Variants in ENTREP2 observed in about 807,000 individuals in gnomAD.
ENTREP2 encodes the protein endosomal transmembrane epsin interactor 2.
chr15:29,143,150 C>A, the ENTREP2 span, among the ~76,000 whole-genome samples: 2 of 152,164 alleles, frequency 1.3e-5, no homozygotes, highest in Admixed American at 1.3e-4. Flanking sequence ...TCTTGCTATT[C>A]CTAGATTCCC....
the ENTREP2 span, chr15:29,195,383 G>A: frequency 1.1e-6 from 1 of 950,024 alleles, no homozygotes; most frequent in Non-Finnish European, 1.3e-6. Context: ...CCTCTCCCCA[G>A]ATCCGAGGTG....
the ENTREP2 span, chr15:29,136,268 G>C: frequency 1.5e-6 from 2 of 1,313,148 alleles, no homozygotes; most frequent in Non-Finnish European, 2.0e-6. Flanking sequence ...CAGCCAGCTC[G>C]GACCTGGCGC....
chr15:29,228,977 T>A, the ENTREP2 span, among the ~76,000 whole-genome samples: 21 of 152,200 alleles, frequency 1.4e-4, no homozygotes, highest in Admixed American at 5.9e-4. Flanking sequence ...AATTAAAAAA[T>A]TTTTATTAGG....
At chr15:29,646,094 G>A in the ENTREP2 span, among the ~76,000 whole-genome samples, 1 of 152,174 alleles carries the variant, frequency 6.6e-6, no homozygotes, top group Non-Finnish European at 1.5e-5. Context: ...TAATTCCAAA[G>A]GCCATAAGAG....
chr15:29,139,870 G>A, the ENTREP2 span, among the ~76,000 whole-genome samples: 101 of 152,282 alleles, frequency 6.6e-4, 1 homozygote, highest in African/African-American at 2.2e-3. Context: ...AGGTCTGGGT[G>A]TGTCTCGCGG....
the ENTREP2 span, among the ~76,000 whole-genome samples, chr15:29,661,446 G>A: frequency 1.3e-5 from 2 of 152,086 alleles, no homozygotes; most frequent in African/African-American, 4.8e-5. Flanking sequence ...TGATCTGCCC[G>A]CCTCGGCCTC....
the ENTREP2 span, among the ~76,000 whole-genome samples, chr15:29,172,751 C>T: frequency 6.6e-6 from 1 of 152,114 alleles, no homozygotes; most frequent in Non-Finnish European, 1.5e-5. Flanking sequence ...CAAATTCTCC[C>T]TGGCGTGTTG....
At chr15:29,365,405 AC>A in the ENTREP2 span, among the ~76,000 whole-genome samples, 1 of 151,992 alleles carries the variant, frequency 6.6e-6, no homozygotes, top group Non-Finnish European at 1.5e-5. Flanking sequence ...GGTGCCCGCC[AC>A]CATGCCCAGC....
the ENTREP2 span, among the ~76,000 whole-genome samples, chr15:29,283,164 T>C: frequency 6.6e-6 from 1 of 152,194 alleles, no homozygotes; most frequent in African/African-American, 2.4e-5. Context: ...CTGGGGGCTC[T>C]GGAGCAGATG....
At chr15:29,213,271 C>A in the ENTREP2 span, among the ~76,000 whole-genome samples, 1 of 151,972 alleles carries the variant, frequency 6.6e-6, no homozygotes, top group South Asian at 2.1e-4. Context: ...CTTGGCAATG[C>A]GGGCTCTTTT....
chr15:29,290,165 C>G, the ENTREP2 span, among the ~76,000 whole-genome samples: 2 of 152,194 alleles, frequency 1.3e-5, no homozygotes, highest in African/African-American at 4.8e-5. Context: ...CTTTAAAATC[C>G]CCCACCAGTC....
At chr15:29,343,629 G>A in the ENTREP2 span, among the ~76,000 whole-genome samples, 2 of 150,756 alleles carry the variant, frequency 1.3e-5, no homozygotes, top group Non-Finnish European at 3.0e-5. Context: ...CCTCTCATTG[G>A]TTCTGTTACT....
the ENTREP2 span, among the ~76,000 whole-genome samples, chr15:29,403,295 C>G: frequency 3.9e-5 from 6 of 152,096 alleles, no homozygotes; most frequent in African/African-American, 7.2e-5. Context: ...GAGCCTCTGC[C>G]CCCCTCCCTT....
the ENTREP2 span, chr15:29,267,882 A>G: frequency 2.0e-5 from 3 of 152,356 alleles, no homozygotes; most frequent in African/African-American, 4.8e-5. Context: ...GTAAATTCAT[A>G]TACTAGTTAT....
chr15:29,387,802 C>A, the ENTREP2 span, among the ~76,000 whole-genome samples: 6 of 152,112 alleles, frequency 3.9e-5, no homozygotes, highest in Non-Finnish European at 8.8e-5. Flanking sequence ...ACAGAGCCCT[C>A]AGAAATAATA....
At chr15:29,633,783 A>C in the ENTREP2 span, among the ~76,000 whole-genome samples, 111 of 132,074 alleles carry the variant, frequency 8.4e-4, 1 homozygote, top group East Asian at 0.02. Flanking sequence ...CAAAATGGTG[A>C]AACTGTCTCT....
the ENTREP2 span, among the ~76,000 whole-genome samples, chr15:29,430,247 C>T: frequency 1.3e-5 from 2 of 152,164 alleles, no homozygotes; most frequent in African/African-American, 4.8e-5. Context: ...TCAAAGGCCA[C>T]AGGCTCAGAG....
At chr15:29,137,512 ACGGAAGGCTGCCTGACGTG>A in the ENTREP2 span, among the ~76,000 whole-genome samples, 1 of 152,126 alleles carries the variant, frequency 6.6e-6, no homozygotes, top group African/African-American at 2.4e-5. Flanking sequence ...AAGACTGCAG[ACGGAAGGCTGCCTGACGTG>A]CGTGGTTTAA....
the ENTREP2 span, among the ~76,000 whole-genome samples, chr15:29,301,990 T>C: frequency 6.6e-6 from 1 of 152,180 alleles, no homozygotes; most frequent in Non-Finnish European, 1.5e-5. Context: ...ACCCAGCCTA[T>C]GGTATTTTGT....
Sources: allele counts gnomAD v4.1 joint callset (sites outside exome capture counted in the v4.1 genomes callset), GRCh38; gene constraint gnomAD v4.1.1; transcripts MANE v1.5; gene names NCBI Gene and HGNC (gene_info 2026-07-23, HGNC 2026-07-21).